The following PSKH1 variants were observed in gnomAD, a reference collection of about 807,000 sequenced individuals.
The protein encoded by PSKH1 is serine/threonine-protein kinase H1.
Under a neutral mutation model 26.7 loss-of-function variants are expected in PSKH1, and 12 were observed. That is an observed-to-expected ratio of 0.45 (90% confidence interval 0.29 to 0.73). PSKH1 has a LOEUF of 0.73. PSKH1 is among the 30% of genes least tolerant of loss of function. The probability of loss-of-function intolerance (pLI) is 0.11; values close to 1 mark genes in which losing one functional copy is unlikely to be tolerated. For missense variants in PSKH1, 431 were observed against 595.2 expected, an observed-to-expected ratio of 0.72 and a Z score of 2.87; for synonymous variants, 213 against 234.3, an observed-to-expected ratio of 0.91 and a Z score of 0.83.
At chr16:67,923,824 T>C (rs535825058) in intron 2 of PSKH1, among the ~76,000 whole-genome samples, 1 of 152,324 alleles carries the variant, frequency 6.6e-6, no homozygotes, top group Admixed American at 6.5e-5. Flanking sequence ...TTCCCTTTTC[T>C]CCTGCTTAGA....
At chr16:67,904,699 C>T (rs1435672559) in intron 1 of PSKH1, among the ~76,000 whole-genome samples, 2 of 152,044 alleles carry the variant, frequency 1.3e-5, no homozygotes, top group Non-Finnish European at 2.9e-5. Context: ...CCAGGCTAGT[C>T]TCAAACTCCT....
intron 1 of PSKH1, among the ~76,000 whole-genome samples, chr16:67,906,020 TAATA>T (rs938961924): frequency 8.6e-4 from 131 of 152,322 alleles, no homozygotes; most frequent in African/African-American, 3.1e-3. Context: ...AGATATTTAA[TAATA>T]AATGTTTTAT....
chr16:67,898,328 C>T (rs2058132205), intron 1 of PSKH1, among the ~76,000 whole-genome samples: 1 of 152,064 alleles, frequency 6.6e-6, no homozygotes, highest in Non-Finnish European at 1.5e-5. Context: ...CCGCTTGAAC[C>T]TGGGAGGAGG....
At chr16:67,910,752 C>T (rs528997876) in intron 2 of PSKH1, among the ~76,000 whole-genome samples, 2 of 152,342 alleles carry the variant, frequency 1.3e-5, no homozygotes, top group Non-Finnish European at 2.9e-5. Context: ...ATCCGCCGGC[C>T]TTGGCCTCCC....
intron 2 of PSKH1, among the ~76,000 whole-genome samples, chr16:67,912,270 A>G (rs1179942403): frequency 6.6e-6 from 1 of 152,236 alleles, no homozygotes; most frequent in Non-Finnish European, 1.5e-5. Flanking sequence ...CCAACAGTGA[A>G]TTAACTGTTA....
chr16:67,907,258 T>C (rs576868828), intron 1 of PSKH1, among the ~76,000 whole-genome samples: 11 of 148,990 alleles, frequency 7.4e-5, no homozygotes, highest in Non-Finnish European at 1.2e-4. Flanking sequence ...CCACCGCGCC[T>C]GGCCAACTCT....
At chr16:67,923,069 CG>C (rs1041788681) in intron 2 of PSKH1, among the ~76,000 whole-genome samples, 2 of 152,136 alleles carry the variant, frequency 1.3e-5, no homozygotes, top group African/African-American at 4.8e-5. Context: ...AGGGTTGGTG[CG>C]GGGGGTCCTC....
chr16:67,895,892 T>C (rs751881478), intron 1 of PSKH1, among the ~76,000 whole-genome samples: 27 of 152,308 alleles, frequency 1.8e-4, no homozygotes, highest in Middle Eastern at 3.4e-3. Context: ...TGGATTCAGT[T>C]TCTGGCTTTT....
At chr16:67,913,258 C>T (rs13329995) in intron 2 of PSKH1, among the ~76,000 whole-genome samples, 13,988 of 151,824 alleles carry the variant, frequency 0.092, 1,925 homozygotes, top group African/African-American at 0.3. Context: ...GTGATTCTCC[C>T]GCCTCAGCCT....
intron 1 of PSKH1, among the ~76,000 whole-genome samples, chr16:67,902,486 G>A (rs1238346758): frequency 1.3e-5 from 2 of 151,872 alleles, no homozygotes; most frequent in African/African-American, 2.4e-5. Flanking sequence ...TAGTAGAGAC[G>A]GGGTTTCACC....
chr16:67,922,870 G>A (rs566522850), intron 2 of PSKH1, among the ~76,000 whole-genome samples: 8 of 152,322 alleles, frequency 5.3e-5, no homozygotes, highest in African/African-American at 1.9e-4. Flanking sequence ...GGAAGTCTAG[G>A]GCCGCCCTGT....
At chr16:67,911,962 G>A (rs1309788812) in intron 2 of PSKH1, among the ~76,000 whole-genome samples, 1 of 152,232 alleles carries the variant, frequency 6.6e-6, no homozygotes, top group African/African-American at 2.4e-5. Context: ...TTAGGAGATC[G>A]TTGCGTAGGA....
At chr16:67,896,809 C>T (rs2058127844) in intron 1 of PSKH1, among the ~76,000 whole-genome samples, 1 of 152,134 alleles carries the variant, frequency 6.6e-6, no homozygotes, top group South Asian at 2.1e-4. Context: ...TGTTAAGTTG[C>T]ATAAATGAGC....
chr16:67,900,685 G>A (rs779385605), intron 1 of PSKH1, among the ~76,000 whole-genome samples: 2 of 152,158 alleles, frequency 1.3e-5, no homozygotes, highest in African/African-American at 4.8e-5. Context: ...CAGTGAGGAC[G>A]ATAATGCTGA....
chr16:67,926,013 G>A (rs1325229129), intron 2 of PSKH1, among the ~76,000 whole-genome samples: 2 of 152,096 alleles, frequency 1.3e-5, no homozygotes, highest in Admixed American at 6.5e-5. Flanking sequence ...CCCCCTGGAG[G>A]GCATGTTCAG....
chr16:67,904,752 G>T (rs2058151464), intron 1 of PSKH1, among the ~76,000 whole-genome samples: 1 of 151,764 alleles, frequency 6.6e-6, no homozygotes, highest in African/African-American at 2.4e-5. Context: ...AAAGAGCTGG[G>T]ATTACTCCCG....
rs72790371 is a variant in PSKH1, at chr16:67,895,237, T to G, written c.-71+1866T>G. 2.4e-3 allele frequency among the ~76,000 whole-genome samples: 360 copies of G among 151,200 alleles called. 3 individuals carry two copies. Among genetic ancestry groups the G allele is most frequent in the African/African-American group, 5.8e-3 (234 of 40,666 alleles). ...TATGCCTGGCTGAGATTTTTTTTTT[T>G]TTGTTTAAACAGAGACGAGGTCTCG... On this transcript the variant is annotated intron_variant, in intron 1 of 2. Coordinates refer to ENST00000291041, the MANE Select transcript of PSKH1 (RefSeq NM_006742.3).
chr16:67,925,215 G>A (rs1252128319), intron 2 of PSKH1, among the ~76,000 whole-genome samples: 1 of 113,956 alleles, frequency 8.8e-6, no homozygotes, highest in Non-Finnish European at 1.9e-5. Context: ...TTTTTTTTTT[G>A]AGACGGAGTC....
intron 1 of PSKH1, among the ~76,000 whole-genome samples, chr16:67,898,870 C>G (rs530509942): frequency 6.6e-6 from 1 of 152,264 alleles, no homozygotes; most frequent in South Asian, 2.1e-4. Flanking sequence ...ATCCGCCTGC[C>G]TCAGCCTCCC....
Sources: gnomAD v4.1 joint callset for allele counts (sites outside exome capture counted in the v4.1 genomes callset) on GRCh38, gnomAD v4.1.1 for gene constraint, MANE v1.5 for transcripts, NCBI Gene and HGNC (gene_info 2026-07-23, HGNC 2026-07-21) for gene names.